The following PCNX2 variants were observed in gnomAD, a reference collection of about 807,000 sequenced individuals.
The protein encoded by PCNX2 is pecanex-like protein 2.
PCNX2 carries 168 observed loss-of-function variants against 223.8 expected under a neutral mutation model. The observed-to-expected ratio is 0.75, with a 90% confidence interval of 0.66 to 0.85. The LOEUF (loss-of-function observed/expected upper bound fraction) is 0.85, where lower values mean the gene tolerates loss of function less well. PCNX2 is among the 40% of genes least tolerant of loss of function. PCNX2 has a pLI of 0.00. For missense variants in PCNX2, 2,507 were observed against 2,675.5 expected (o/e 0.94, Z 1.39); for synonymous variants, 1,006 against 1,052.6 (o/e 0.96, Z 0.86).
At chr1:233,179,542 A>G (rs1057286365) in intron 15 of PCNX2, among the ~76,000 whole-genome samples, 4 of 152,206 alleles carry the variant, frequency 2.6e-5, no homozygotes, top group African/African-American at 9.7e-5. Context: ...TTATTAATTG[A>G]TGGTCTAAAT....
At chr1:233,278,956 T>C (rs1007846169) in intron 1 of PCNX2, among the ~76,000 whole-genome samples, 1 of 152,228 alleles carries the variant, frequency 6.6e-6, no homozygotes, top group Admixed American at 6.5e-5. Context: ...TACTCTGCTA[T>C]CTTTTTAATA....
At position 233,179,087 on chromosome 1, in the gene PCNX2, C is replaced by T; in HGVS notation, c.3155G>A (p.Ser1052Asn). ...VALSYHLSRQ[S>N]SDPSVLMSFI... ...TCACATGAGTACAGATGGGTCACTG[C>T]TCTGACGGCTCAGATGGTAAGAAAG... Residue 1052 changes from serine to asparagine, a missense_variant, in exon 16 of 34, where the codon AGC becomes AAC. Around this residue, in one of 3 missense-constraint regions of PCNX2, gnomAD observed 1,372 missense variants for 1,509.4 expected, o/e 0.91. Transcript: ENST00000258229. 8.1e-6 allele frequency: 13 copies of T among 1,613,808 alleles called. No homozygotes were observed. Among genetic ancestry groups the T allele is most frequent in the Non-Finnish European group, 1.1e-5 (13 of 1,179,804 alleles).
intron 32 of PCNX2, among the ~76,000 whole-genome samples, chr1:232,989,018 G>C (rs2102778342): frequency 6.6e-6 from 1 of 152,342 alleles, no homozygotes. Flanking sequence ...CAAGGGCTCA[G>C]GATTGGGATA....
intron 13 of PCNX2, among the ~76,000 whole-genome samples, chr1:233,201,062 T>C (rs1316981456): frequency 7.1e-6 from 1 of 140,010 alleles, no homozygotes; most frequent in Non-Finnish European, 1.5e-5. Flanking sequence ...GGTATACCTA[T>C]GTAATGAACC....
intron 21 of PCNX2, among the ~76,000 whole-genome samples, chr1:233,116,217 T>C (rs1297279061): frequency 6.6e-6 from 1 of 152,158 alleles, no homozygotes; most frequent in Non-Finnish European, 1.5e-5. Context: ...ATTGACAGAA[T>C]GATTAGACAG....
chr1:233,161,684 T>C (rs895619721), intron 17 of PCNX2, among the ~76,000 whole-genome samples: 8 of 152,100 alleles, frequency 5.3e-5, no homozygotes, highest in South Asian at 2.1e-4. Flanking sequence ...TGTAAGGTTC[T>C]TGTATCTGAT....
chr1:233,217,840 T>A, intron 12 of PCNX2, 59 bp downstream of exon 12: 1 of 1,606,596 alleles, frequency 6.2e-7, no homozygotes, highest in Non-Finnish European at 8.5e-7. Context: ...TTTTGGCTTT[T>A]TCCCTGTCTT....
At chr1:232,992,975 C>T (rs1318225090) in intron 32 of PCNX2, among the ~76,000 whole-genome samples, 1 of 152,188 alleles carries the variant, frequency 6.6e-6, no homozygotes, top group Admixed American at 6.5e-5. Context: ...TTAAACCTTT[C>T]TTTATAAATT....
chr1:233,066,273 C>T (rs1672605768), intron 23 of PCNX2, among the ~76,000 whole-genome samples: 1 of 152,242 alleles, frequency 6.6e-6, no homozygotes, highest in South Asian at 2.1e-4. Context: ...GACCAGCTCA[C>T]TGAGCTGTGG....
intron 17 of PCNX2, among the ~76,000 whole-genome samples, chr1:233,163,602 C>CTA (rs1180234461): frequency 1.3e-5 from 2 of 150,458 alleles, no homozygotes; most frequent in Non-Finnish European, 3.0e-5. Flanking sequence ...AATTATGGGA[C>CTA]TATATATATC....
chr1:233,109,201 A>T (rs1340679521), intron 21 of PCNX2, among the ~76,000 whole-genome samples: 1 of 152,230 alleles, frequency 6.6e-6, no homozygotes, highest in Non-Finnish European at 1.5e-5. Context: ...AAATGTATGC[A>T]CATTTTCAGG....
At chr1:233,177,721 G>T in intron 17 of PCNX2, 81 bp downstream of exon 17, 1 of 1,224,662 alleles carries the variant, frequency 8.2e-7, no homozygotes, top group Non-Finnish European at 1.2e-6. Context: ...ATGTCCACCT[G>T]CCTAGAGCTC....
chr1:233,317,298 C>T, the PCNX2 span, among the ~76,000 whole-genome samples: 1 of 152,142 alleles, frequency 6.6e-6, no homozygotes, highest in South Asian at 2.1e-4. Flanking sequence ...CCTGTAATCC[C>T]AGCTACTCTG....
chr1:233,026,252 C>T (rs1043583680), intron 25 of PCNX2, among the ~76,000 whole-genome samples: 2 of 152,142 alleles, frequency 1.3e-5, no homozygotes, highest in Non-Finnish European at 2.9e-5. Flanking sequence ...AAGGGTTTTC[C>T]AGGCAGACAG....
the PCNX2 span, among the ~76,000 whole-genome samples, chr1:233,302,659 TAC>T: frequency 3.3e-5 from 5 of 151,080 alleles, no homozygotes; most frequent in Non-Finnish European, 7.4e-5. Flanking sequence ...TATATATATA[TAC>T]AGTTAAATCT....
At chr1:233,241,639 T>C (rs745490581) in intron 8 of PCNX2, among the ~76,000 whole-genome samples, 1 of 152,194 alleles carries the variant, frequency 6.6e-6, no homozygotes, top group Non-Finnish European at 1.5e-5. Context: ...TTTTCAAATT[T>C]GAAGCAGCAA....
At chr1:233,124,399 C>T (rs976774546) in intron 21 of PCNX2, among the ~76,000 whole-genome samples, 1 of 152,130 alleles carries the variant, frequency 6.6e-6, no homozygotes, top group Non-Finnish European at 1.5e-5. Flanking sequence ...CATTCTTCAG[C>T]GCAGTGAGGG....
intron 25 of PCNX2, among the ~76,000 whole-genome samples, chr1:233,029,717 T>C (rs1306424919): frequency 1.3e-5 from 2 of 152,228 alleles, no homozygotes. Flanking sequence ...TTAAAAATAT[T>C]ATTCCATTGT....
chr1:233,162,179 G>A (rs753616558), intron 17 of PCNX2, among the ~76,000 whole-genome samples: 42 of 152,048 alleles, frequency 2.8e-4, no homozygotes, highest in Admixed American at 1.8e-3. Context: ...GCAGATAGAT[G>A]GAGAATGGCC....
Sources: allele counts gnomAD v4.1 joint callset (sites outside exome capture counted in the v4.1 genomes callset), GRCh38; gene constraint gnomAD v4.1.1; regional missense constraint gnomAD v4.1.1; transcripts MANE v1.5; gene names NCBI Gene and HGNC (gene_info 2026-07-23, HGNC 2026-07-21).